The following CD200R1 variants were observed in gnomAD, a reference collection of about 807,000 sequenced individuals.
The protein encoded by CD200R1 is CD200 receptor 1.
Under a neutral mutation model 38.1 loss-of-function variants are expected in CD200R1, and 30 were observed. The observed-to-expected ratio is 0.79, with a 90% CI of 0.59 to 1.07. The LOEUF is 1.07. CD200R1 is among the 50% of genes least tolerant of loss of function. The probability of loss-of-function intolerance (pLI) is 0.00; values close to 1 mark genes in which losing one functional copy is unlikely to be tolerated. For synonymous variants in CD200R1, 128 were observed against 152.1 expected (o/e 0.84, Z 1.16); for missense variants, 372 against 415.4 (o/e 0.90, Z 0.91).
At chr3:112,939,927 A>G (rs1940686692) in intron 2 of CD200R1, among the ~76,000 whole-genome samples, 1 of 151,798 alleles carries the variant, frequency 6.6e-6, no homozygotes, top group African/African-American at 2.4e-5. Flanking sequence ...AATATACCAT[A>G]AAGCTGTACT....
chr3:112,960,898 G>T (rs538582588), intron 1 of CD200R1, among the ~76,000 whole-genome samples: 1 of 152,108 alleles, frequency 6.6e-6, no homozygotes, highest in South Asian at 2.1e-4. Context: ...AAAAAGTACA[G>T]ATTAGTACTT....
At chr3:112,965,143 A>G (rs1933123890) in intron 1 of CD200R1, among the ~76,000 whole-genome samples, 2 of 152,218 alleles carry the variant, frequency 1.3e-5, no homozygotes, top group South Asian at 4.1e-4. Flanking sequence ...TACCAAGTAA[A>G]GAGGAGGTTT....
intron 1 of CD200R1, among the ~76,000 whole-genome samples, chr3:112,960,677 A>C (rs1932994717): frequency 6.6e-6 from 1 of 152,052 alleles, no homozygotes; most frequent in Non-Finnish European, 1.5e-5. Flanking sequence ...AGCAGGGAGT[A>C]ACTATACCTC....
intron 2 of CD200R1, among the ~76,000 whole-genome samples, chr3:112,941,551 C>T (rs561839918): frequency 6.3e-4 from 95 of 151,482 alleles, no homozygotes; most frequent in Non-Finnish European, 1.3e-3. Context: ...GCATTCCTTC[C>T]CTTGAGCTCT....
At chr3:112,966,744 C>T (rs1319892215) in intron 1 of CD200R1, among the ~76,000 whole-genome samples, 4 of 152,042 alleles carry the variant, frequency 2.6e-5, no homozygotes, top group Non-Finnish European at 5.9e-5. Context: ...TCAGGTTTCC[C>T]CTATGTTGGT....
intron 2 of CD200R1, among the ~76,000 whole-genome samples, chr3:112,943,462 T>C (rs1940772444): frequency 6.6e-6 from 1 of 151,766 alleles, no homozygotes; most frequent in Non-Finnish European, 1.5e-5. Context: ...TCAAAATTTG[T>C]GGATGCAGCA....
intron 1 of CD200R1, among the ~76,000 whole-genome samples, chr3:112,952,579 T>C (rs1185487936): frequency 6.6e-6 from 1 of 151,908 alleles, no homozygotes; most frequent in Non-Finnish European, 1.5e-5. Flanking sequence ...AGGTGGGAAT[T>C]GAACAATGAG....
chr3:112,967,106 A>G (rs771424231), intron 1 of CD200R1, among the ~76,000 whole-genome samples: 5 of 151,702 alleles, frequency 3.3e-5, no homozygotes, highest in Non-Finnish European at 7.4e-5. Context: ...CTCTTTCCCT[A>G]TCTTCACTGC....
chr3:112,950,402 GA>G lies in CD200R1; in HGVS notation c.68-2479del, dbSNP rs59937779. Among the ~76,000 whole-genome samples, 298 of 83,434 alleles carry G rather than the reference GA, an allele frequency of 3.6e-3. 1 individual carries two copies. The highest frequency in any genetic ancestry group is 0.017 in the East Asian group (44 of 2,646). The allele number at this position is 83,434 out of a possible 152,430, so 54.7% of individuals were successfully genotyped here. On this transcript the variant is annotated intron_variant, in intron 1 of 7. Coordinates refer to ENST00000308611, the MANE Select transcript of CD200R1 (RefSeq NM_138806.4). ...GGTGACAGAGTGACACTCCGTCAAA[GA>G]AAAAAAAAAAAAGGAAAAAAAAATC...
intron 5 of CD200R1, among the ~76,000 whole-genome samples, chr3:112,925,717 A>G (rs1470294812): frequency 2.6e-5 from 4 of 152,062 alleles, no homozygotes; most frequent in Non-Finnish European, 4.4e-5. Flanking sequence ...AAATTTCTGT[A>G]CTTTCCACTC....
chr3:112,942,118 T>A (rs1297469781), intron 2 of CD200R1, among the ~76,000 whole-genome samples: 2 of 151,564 alleles, frequency 1.3e-5, no homozygotes, highest in Non-Finnish European at 3.0e-5. Flanking sequence ...TAAAATAATA[T>A]CAGTCAAAAA....
rs1200226733 is a variant in CD200R1, at chr3:112,935,325, GACAATATGTTAGGTC to G, written c.137-4169_137-4155del. Among the ~76,000 whole-genome samples, 9 of 152,262 alleles carry G rather than the reference GACAATATGTTAGGTC, an allele frequency of 5.9e-5. No individual in the cohort carries two copies. The South Asian group carries it at 1.9e-3, about 32-fold the overall frequency. ...AGCACATGGAACATTCTCCAGAATT[GACAATATGTTAGGTC>G]ACAAAACAAGTCTCAAATAATTTTT... On this transcript the variant is annotated intron_variant, in intron 2 of 7. Coordinates refer to ENST00000308611, the MANE Select transcript of CD200R1 (RefSeq NM_138806.4).
At chr3:112,954,115 G>C (rs572788194) in intron 1 of CD200R1, among the ~76,000 whole-genome samples, 2 of 152,084 alleles carry the variant, frequency 1.3e-5, no homozygotes, top group East Asian at 3.9e-4. Context: ...ATAGGTCTTA[G>C]TATGTTGTAT....
chr3:112,965,961 A>C (rs1356239901), intron 1 of CD200R1, among the ~76,000 whole-genome samples: 1 of 152,144 alleles, frequency 6.6e-6, no homozygotes, highest in East Asian at 1.9e-4. Flanking sequence ...AAAAAGGTTA[A>C]GAATTATTAC....
At position 112,923,176 on chromosome 3, in the gene CD200R1, C is replaced by T. The variant is rs962544067; in HGVS notation, c.*501G>A. 1 of 151,842 alleles carries T rather than the reference C, an allele frequency of 6.6e-6. No individual in the cohort carries two copies. The highest frequency in any genetic ancestry group is 2.1e-4 in the South Asian group (1 of 4,826). The allele number at this position is 151,842 out of a possible 1,614,324, so 9.4% of individuals were successfully genotyped here. A position where few individuals can be genotyped will look rare whatever the true frequency, so the allele number is the denominator to read the frequency against. On this transcript the variant is annotated 3_prime_UTR_variant, in exon 8 of 8. Coordinates refer to ENST00000308611, the MANE Select transcript of CD200R1 (RefSeq NM_138806.4). ...TCATGATATAAAATGATCTCTAAGA[C>T]TTATATTATTAGGTTTTCATATGTA... is the stretch of plus-strand genomic sequence containing the variant.
At chr3:112,929,528 A>G (rs769400372) in intron 3 of CD200R1, 21 bp from the exon 4 acceptor site, 11 of 1,575,724 alleles carry the variant, frequency 7.0e-6, no homozygotes, top group South Asian at 2.3e-5. Context: ...AAAGAGAATG[A>G]TAAAAGAAAA....
chr3:112,949,408 T>G (rs1176682685), intron 1 of CD200R1, among the ~76,000 whole-genome samples: 1 of 152,260 alleles, frequency 6.6e-6, no homozygotes, highest in African/African-American at 2.4e-5. Context: ...TAGCAAACTG[T>G]TCTTTTAAGA....
chr3:112,929,514 A>G lies in CD200R1; in HGVS notation c.203-7T>C, dbSNP rs756795816. The G allele has an allele frequency of 6.3e-7, 1 of 1,592,376 alleles. No individual in the cohort carries two copies. Among genetic ancestry groups the G allele is most frequent in the Non-Finnish European group, 8.5e-7 (1 of 1,171,622 alleles). On this transcript the variant is annotated splice_polypyrimidine_tract_variant and splice_region_variant and intron_variant, in intron 3 of 7. Transcript: ENST00000308611. ...ACAGGCCATGAAGTGTTAACTGGAC[A>G]TGAAAAGAGAATGATAAAAGAAAAG...
chr3:112,937,871 C>T (rs2107314363), intron 2 of CD200R1, among the ~76,000 whole-genome samples: 1 of 152,104 alleles, frequency 6.6e-6, no homozygotes, highest in East Asian at 1.9e-4. Context: ...TTTCTTTGAG[C>T]AGCAGTTTAT....
Sources: gnomAD v4.1 joint callset for allele counts (sites outside exome capture counted in the v4.1 genomes callset) on GRCh38, gnomAD v4.1.1 for gene constraint, MANE v1.5 for transcripts, NCBI Gene and HGNC (gene_info 2026-07-23, HGNC 2026-07-21) for gene names.